ABR: variants seen among roughly 807,000 people sequenced by gnomAD.
ABR encodes ABR activator of RhoGEF and GTPase.
In ABR, 35 loss-of-function variants were observed where a neutral mutation model predicts 107.2. That is an observed-to-expected ratio of 0.33 (90% CI 0.25 to 0.43). The LOEUF is 0.43. Among genes scored for constraint, ABR ranks in the 20% least tolerant of loss-of-function variants. The pLI is 1.00. For missense variants in ABR, 815 were observed against 1,115.2 expected, an observed-to-expected ratio of 0.73 and a Z score of 3.83; for synonymous variants, 498 against 462.0, an observed-to-expected ratio of 1.08 and a Z score of -1.00.
intron 1 of ABR, among the ~76,000 whole-genome samples, chr17:1,212,046 C>T (rs901209640): frequency 6.6e-6 from 1 of 151,052 alleles, no homozygotes; most frequent in Admixed American, 6.6e-5. Flanking sequence ...TGCACCGCTG[C>T]ACTCTAGCCT....
chr17:1,056,712 C>G (rs552345815), intron 13 of ABR, among the ~76,000 whole-genome samples: 1 of 152,170 alleles, frequency 6.6e-6, no homozygotes, highest in Non-Finnish European at 1.5e-5. Flanking sequence ...ATTTTATCTA[C>G]CGGGTCTGCT....
intron 1 of ABR, among the ~76,000 whole-genome samples, chr17:1,195,824 C>T (rs1354323165): frequency 2.1e-5 from 3 of 144,490 alleles, no homozygotes; most frequent in African/African-American, 5.2e-5. Context: ...AATTATTGGC[C>T]GGCGCGGTGG....
At chr17:1,140,800 C>G (rs62069399) in intron 1 of ABR, among the ~76,000 whole-genome samples, 2,281 of 152,208 alleles carry the variant, frequency 0.015, 26 homozygotes, top group Middle Eastern at 0.037. Context: ...CCAGGCTGGT[C>G]TCGAACTCCT....
At chr17:1,221,675 G>C (rs1308922293) in intron 1 of ABR, among the ~76,000 whole-genome samples, 1 of 152,156 alleles carries the variant, frequency 6.6e-6, no homozygotes, top group Non-Finnish European at 1.5e-5. Context: ...AGTCAAGGCG[G>C]GAGGGCTCTT....
intron 3 of ABR, among the ~76,000 whole-genome samples, chr17:1,096,181 G>A (rs909856826): frequency 2.6e-5 from 4 of 152,216 alleles, no homozygotes; most frequent in Non-Finnish European, 5.9e-5. Context: ...GAGGGCCCCA[G>A]AAGATGACCC....
intron 2 of ABR, among the ~76,000 whole-genome samples, chr17:1,107,037 CCT>C (rs1364808325): frequency 2.6e-5 from 4 of 152,212 alleles, no homozygotes; most frequent in Non-Finnish European, 5.9e-5. Flanking sequence ...TTGTCTTCTC[CCT>C]CTGAGGCCAA....
rs903598609 is a variant in ABR at position 1,004,907 on chromosome 17, A to G, written c.*1173T>C. On this transcript the variant is annotated 3_prime_UTR_variant, in exon 23 of 23. Transcript: ENST00000302538. ...CAGTGCTTGGCTGTGGAGTGTGTGT[A>G]AAATCTAAGGCAAGAGTACCACGAG... 3 of 397,490 alleles carry G rather than the reference A, an allele frequency of 7.5e-6. No homozygotes were observed. In the Admixed American group the frequency reaches 1.3e-4, roughly 18 times the overall value. The allele number at this position is 397,490 out of a possible 1,614,324, so 24.6% of individuals were successfully genotyped here.
intron 3 of ABR, 66 bp from the exon 4 acceptor site, chr17:1,091,916 C>A: frequency 6.7e-7 from 1 of 1,497,766 alleles, no homozygotes; most frequent in Non-Finnish European, 9.1e-7. Flanking sequence ...CGGCAGGCCC[C>A]GGGGCCGATC....
Position 1,007,711 on chromosome 17 carries a change from C to T in ABR, c.2343-399G>A, listed in dbSNP as rs560803835. On this transcript the variant is annotated intron_variant, in intron 21 of 22. Transcript: ENST00000302538. Reference sequence around the variant, plus strand: ...ACCCCCATCGTGTAGATGAAGAAACCGAAGTACAGAGGGGTTAAGTGACTT... The same window carrying T: ...ACCCCCATCGTGTAGATGAAGAAACTGAAGTACAGAGGGGTTAAGTGACTT... 4.3e-4 allele frequency among the ~76,000 whole-genome samples: 66 copies of T among 151,976 alleles called. 1 individual carries two copies. The highest frequency in any genetic ancestry group is 2.5e-3 in the South Asian group (12 of 4,780).
chr17:1,151,846 C>T lies in ABR; in HGVS notation c.62-26479G>A, dbSNP rs530120296. Among the ~76,000 whole-genome samples, 29 of 152,334 alleles carry T rather than the reference C, an allele frequency of 1.9e-4. No individual in the cohort carries two copies. In the South Asian group the frequency reaches 5.2e-3, roughly 27 times the overall value. On this transcript the variant is annotated intron_variant, in intron 1 of 22. Transcript: ENST00000302538. ...CATCCCGGCTAACACGAGGAAACTC[C>T]GTCTCTACTAAAAATACAAAAAAGT...
chr17:1,079,026 C>G, intron 6 of ABR: 3 of 1,066,872 alleles, frequency 2.8e-6, no homozygotes, highest in South Asian at 2.3e-5. Flanking sequence ...GAGGGAGGCG[C>G]GTGGCGAGGA....
Position 1,051,038 on chromosome 17 carries a change from C to T in ABR, c.1562-404G>A, listed in dbSNP as rs2032445287. Among the ~76,000 whole-genome samples the T allele has an allele frequency of 1.3e-5, 2 of 152,172 alleles. No individual in the cohort carries two copies. The highest frequency in any genetic ancestry group is 4.1e-4 in the South Asian group (2 of 4,836). On this transcript the variant is annotated intron_variant, in intron 14 of 22. Transcript: ENST00000302538. The surrounding 1 kb of genome is among the most constrained non-coding windows in gnomAD (Gnocchi z 4.3). ...ACACCACAAACTCTTCACTGACCGC[C>T]CTGGAGCCACCTCTCCCCGTAACAT...
In ABR at chr17:1,157,781, G is replaced by C. The variant is rs2041106820; in HGVS notation, c.61+21886C>G. On this transcript the variant is annotated intron_variant, in intron 1 of 22. Coordinates refer to ENST00000302538, the MANE Select transcript of ABR (RefSeq NM_021962.5). This position sits in a 1 kb window ranked among gnomAD's most constrained non-coding sequence, Gnocchi z 4.7. ...GACCATGACCTGAGCCTGCCTGCCA[G>C]GCACAGAACCTCAGGCGCACCCAGG... 6.6e-6 allele frequency among the ~76,000 whole-genome samples: 1 copy of C among 152,248 alleles called. No homozygotes were observed. The highest frequency in any genetic ancestry group is 2.4e-5 in the African/African-American group (1 of 41,456).
chr17:1,093,693 G>A (rs1441874644), intron 3 of ABR, among the ~76,000 whole-genome samples: 5 of 152,022 alleles, frequency 3.3e-5, no homozygotes, highest in African/African-American at 1.2e-4. Flanking sequence ...CCCTCTGAAC[G>A]ACGACCACCA....
At chr17:1,134,432 A>G (rs1410907092) in intron 1 of ABR, among the ~76,000 whole-genome samples, 3 of 98,784 alleles carry the variant, frequency 3.0e-5, no homozygotes, top group African/African-American at 6.6e-5. Context: ...AAATTAATTA[A>G]TTAAATTAAA....
chr17:1,221,231 C>A (rs965072906), intron 1 of ABR, among the ~76,000 whole-genome samples: 1 of 152,226 alleles, frequency 6.6e-6, no homozygotes, highest in South Asian at 2.1e-4. Flanking sequence ...TTCCCAGCCT[C>A]TCTTATACCT....
At chr17:1,147,949 C>T (rs1220362470) in intron 1 of ABR, among the ~76,000 whole-genome samples, 2 of 152,220 alleles carry the variant, frequency 1.3e-5, no homozygotes, top group African/African-American at 4.8e-5. Flanking sequence ...GTGCCAGGAG[C>T]ACCAACGGCT....
rs370908585 is a variant in ABR at position 1,013,306 on chromosome 17, G to C, written c.1792-142C>G. ...GCTGGGATAAGCTGATGTTTACCTGGAAATCAACCCTTTGGGGGGACCCTA... is the reference window on the plus strand; with the variant it reads ...GCTGGGATAAGCTGATGTTTACCTGCAAATCAACCCTTTGGGGGGACCCTA... On this transcript the variant is annotated intron_variant, in intron 16 of 22. Coordinates refer to ENST00000302538, the MANE Select transcript of ABR (RefSeq NM_021962.5). 37 of 849,678 alleles carry C rather than the reference G, an allele frequency of 4.4e-5. No individual in the cohort carries two copies. In the South Asian group the frequency reaches 5.3e-4, roughly 12 times the overall value. The allele number at this position is 849,678 out of a possible 1,614,324, so 52.6% of individuals were successfully genotyped here.
chr17:1,005,934 T>A lies in ABR; in HGVS notation c.*146A>T, dbSNP rs2150686439. ...TTTGTACAAGGTGGCACAAAAGACG[T>A]ACGCATTCCAGTTCTTGGAAGCTGG... is the stretch of plus-strand genomic sequence containing the variant. On this transcript the variant is annotated 3_prime_UTR_variant, in exon 23 of 23. Coordinates refer to ENST00000302538, the MANE Select transcript of ABR (RefSeq NM_021962.5). 1.3e-6 allele frequency: 1 copy of A among 757,394 alleles called. No homozygotes were observed. The highest frequency in any genetic ancestry group is 2.2e-6 in the Non-Finnish European group (1 of 452,554). The allele number at this position is 757,394 out of a possible 1,614,324, so 46.9% of individuals were successfully genotyped here.
Sources: allele counts gnomAD v4.1 joint callset (sites outside exome capture counted in the v4.1 genomes callset), GRCh38; gene constraint gnomAD v4.1.1; non-coding constraint Gnocchi (gnomAD v3.1); transcripts MANE v1.5; gene names NCBI Gene and HGNC (gene_info 2026-07-23, HGNC 2026-07-21).